FAF2: variants seen among roughly 807,000 people sequenced by gnomAD.
FAF2 encodes the protein Fas associated factor family member 2.
In FAF2, 9 loss-of-function variants were observed where a neutral mutation model predicts 62.3. That is an observed-to-expected ratio of 0.14 (90% confidence interval 0.09 to 0.25). FAF2 has a LOEUF of 0.25. FAF2 is among the 10% of genes least tolerant of loss of function. The pLI is 1.00. For missense variants in FAF2, 368 were observed against 556.2 expected, an observed-to-expected ratio of 0.66 and a Z score of 3.40; for synonymous variants, 202 against 198.0, an observed-to-expected ratio of 1.02 and a Z score of -0.17.
intron 2 of FAF2, among the ~76,000 whole-genome samples, chr5:176,484,631 G>T (rs1425707984): frequency 3.9e-5 from 6 of 152,150 alleles, no homozygotes; most frequent in Admixed American, 3.9e-4. Flanking sequence ...AGTGGCTCAT[G>T]CCTGTAATCC....
intron 1 of FAF2, among the ~76,000 whole-genome samples, chr5:176,452,241 A>G (rs1427999960): frequency 1.3e-5 from 2 of 151,850 alleles, no homozygotes; most frequent in African/African-American, 4.8e-5. Context: ...TATTTTTAGT[A>G]CAGACAAGGT....
chr5:176,452,344 C>T (rs1026985028), intron 1 of FAF2, among the ~76,000 whole-genome samples: 3 of 152,200 alleles, frequency 2.0e-5, no homozygotes, highest in African/African-American at 7.2e-5. Flanking sequence ...AGGCGTGAGC[C>T]ACCGGACCTG....
intron 5 of FAF2, among the ~76,000 whole-genome samples, chr5:176,493,596 C>G (rs1315236574): frequency 6.6e-6 from 1 of 152,190 alleles, no homozygotes; most frequent in East Asian, 1.9e-4. Flanking sequence ...TTTTTACTTA[C>G]AAGGATGTTG....
chr5:176,463,843 C>T lies in FAF2; in HGVS notation c.64-15345C>T, dbSNP rs565320977. ...CTCCCGGGTTTGAGTGATTCTTCTG[C>T]CTCAGCCTCCTGTGTAGCTAGGATT... On this transcript the variant is annotated intron_variant, in intron 1 of 10. Coordinates refer to ENST00000261942, the MANE Select transcript of FAF2 (RefSeq NM_014613.3). 5.3e-5 allele frequency among the ~76,000 whole-genome samples: 8 copies of T among 151,314 alleles called. No individual in the cohort carries two copies. In the East Asian group the frequency reaches 1.6e-3, roughly 29 times the overall value.
chr5:176,448,944 G>A (rs894555362), intron 1 of FAF2, among the ~76,000 whole-genome samples: 2 of 152,162 alleles, frequency 1.3e-5, no homozygotes, highest in Non-Finnish European at 2.9e-5. Context: ...TTCGTGTTGG[G>A]GGTTCCGGTC....
At chr5:176,452,159 G>C (rs566800083) in intron 1 of FAF2, among the ~76,000 whole-genome samples, 72 of 151,638 alleles carry the variant, frequency 4.7e-4, no homozygotes, top group African/African-American at 1.7e-3. Flanking sequence ...CCAGGTTTAA[G>C]CTATTCTCTT....
chr5:176,487,208 A>C (rs1179004605), intron 3 of FAF2, among the ~76,000 whole-genome samples: 1 of 152,134 alleles, frequency 6.6e-6, no homozygotes, highest in Admixed American at 6.6e-5. Context: ...TGTTTGAGAC[A>C]GGGTCTCACT....
chr5:176,462,919 A>T (rs1349416221), intron 1 of FAF2, among the ~76,000 whole-genome samples: 1 of 152,188 alleles, frequency 6.6e-6, no homozygotes, highest in South Asian at 2.1e-4. Context: ...TTGCTTCGCT[A>T]TAGTGTTTTT....
chr5:176,474,737 C>T lies in FAF2; in HGVS notation c.64-4451C>T, dbSNP rs1284211339. ...ATATTATCTCCTTGAGGAAGCTTTCCTTGAGCACCCAATCTAAAGGAATCT... is the reference window on the plus strand; with the variant it reads ...ATATTATCTCCTTGAGGAAGCTTTCTTTGAGCACCCAATCTAAAGGAATCT... On this transcript the variant is annotated intron_variant, in intron 1 of 10. Coordinates refer to ENST00000261942, the MANE Select transcript of FAF2 (RefSeq NM_014613.3). Among the ~76,000 whole-genome samples the T allele has an allele frequency of 2.6e-5, 4 of 152,142 alleles. No individual in the cohort carries two copies. The East Asian group carries it at 7.7e-4, about 29-fold the overall frequency.
chr5:176,492,015 T>G (rs1001177288), intron 4 of FAF2, among the ~76,000 whole-genome samples, 179 bp from the exon 5 acceptor site: 2 of 152,212 alleles, frequency 1.3e-5, no homozygotes, highest in African/African-American at 4.8e-5. Context: ...GAATAACACT[T>G]GCTGCTTTAT....
At chr5:176,462,234 A>G (rs532892741) in intron 1 of FAF2, among the ~76,000 whole-genome samples, 2 of 151,556 alleles carry the variant, frequency 1.3e-5, no homozygotes, top group African/African-American at 4.8e-5. Context: ...CGAGATCGCA[A>G]CATTGCACTC....
Position 176,451,892 on chromosome 5 carries a change from ATTTTTTTTTT to A in FAF2, c.63+3442_63+3451del, listed in dbSNP as rs1174600881. ...TATACACACATATATATATATATATATTTTTTTTTTTTTTTTTTTTTTTTTTTTTGAGACA... is the reference window on the plus strand; with the variant it reads ...TATACACACATATATATATATATATATTTTTTTTTTTTTTTTTTTGAGACA... On this transcript the variant is annotated intron_variant, in intron 1 of 10. Transcript: ENST00000261942. Among the ~76,000 whole-genome samples the A allele has an allele frequency of 4.5e-3, 98 of 21,648 alleles. 4 individuals are homozygous for A. Among genetic ancestry groups the A allele is most frequent in the African/African-American group, 0.017 (80 of 4,752 alleles). The allele number at this position is 21,648 out of a possible 152,430, so 14.2% of individuals were successfully genotyped here.
rs1371591615 is a variant in FAF2 at position 176,477,830 on chromosome 5, G to A, written c.64-1358G>A. ...TGCCTGTCCGTGGCCATGGGGTGCA[G>A]AATTAGGCAAGAACTTCAGTTTTCA... On this transcript the variant is annotated intron_variant, in intron 1 of 10. Transcript: ENST00000261942. Among the ~76,000 whole-genome samples, 132 of 152,290 alleles carry A rather than the reference G, an allele frequency of 8.7e-4. 1 individual carries two copies. The highest frequency in any genetic ancestry group is 1.2e-4 in the Non-Finnish European group (8 of 68,026).
intron 10 of FAF2, among the ~76,000 whole-genome samples, chr5:176,506,145 G>A (rs1183048046): frequency 1.3e-5 from 2 of 150,498 alleles, no homozygotes; most frequent in African/African-American, 4.9e-5. Context: ...GAGCTGAGAT[G>A]GCGCCATTGC....
At chr5:176,448,531 G>C in intron 1 of FAF2, 61 bp downstream of exon 1, 4 of 1,505,940 alleles carry the variant, frequency 2.7e-6, no homozygotes, top group South Asian at 1.2e-5. Flanking sequence ...GCCCCTAGAG[G>C]AGTTCAGAAC....
intron 4 of FAF2, among the ~76,000 whole-genome samples, chr5:176,489,490 A>G (rs771534335): frequency 6.6e-6 from 1 of 151,858 alleles, no homozygotes; most frequent in Non-Finnish European, 1.5e-5. Flanking sequence ...TCCTCCCACA[A>G]TAGTTGGACC....
Position 176,499,104 on chromosome 5 carries a change from T to C in FAF2, c.1011+19T>C. ...GCGGCAGGTAATGGACGTGTGGCTT[T>C]ACTCCCTGTGGTTCCCAAACTGCCG... On this transcript the variant is annotated intron_variant, in intron 9 of 10. Transcript: ENST00000261942. The C allele has an allele frequency of 6.4e-7, 1 of 1,553,306 alleles. No individual in the cohort carries two copies. Among genetic ancestry groups the C allele is most frequent in the Non-Finnish European group, 8.7e-7 (1 of 1,147,514 alleles).
At position 176,507,361 on chromosome 5, in the gene FAF2, G is replaced by A. The variant is rs1391128574; in HGVS notation, c.*411G>A. ...AACCTCCATCAACCAGCTACTTGCA[G>A]CATCTCCTGAGGACTTGCTTCTCCT... On this transcript the variant is annotated 3_prime_UTR_variant, in exon 11 of 11. Coordinates refer to ENST00000261942, the MANE Select transcript of FAF2 (RefSeq NM_014613.3). 1 of 451,972 alleles carries A rather than the reference G, an allele frequency of 2.2e-6. No individual in the cohort carries two copies. The highest frequency in any genetic ancestry group is 4.5e-6 in the Non-Finnish European group (1 of 224,716). The allele number at this position is 451,972 out of a possible 1,614,324, so 28.0% of individuals were successfully genotyped here. A position where few individuals can be genotyped will look rare whatever the true frequency, so the allele number is the denominator to read the frequency against.
Position 176,508,447 on chromosome 5 carries a change from TTCTC to T in FAF2, c.*1501_*1504del, listed in dbSNP as rs1325088281. Reference sequence around the variant, plus strand: ...TTGCTGGAGTTGTAGTCTCAAGGCTTTCTCTCTTGCTTAACTAAAACCTAAGGAC... The same window carrying T: ...TTGCTGGAGTTGTAGTCTCAAGGCTTTCTTGCTTAACTAAAACCTAAGGAC... On this transcript the variant is annotated 3_prime_UTR_variant, in exon 11 of 11. Transcript: ENST00000261942. 6.6e-6 allele frequency: 1 copy of T among 152,170 alleles called. No individual in the cohort carries two copies. The highest frequency in any genetic ancestry group is 6.5e-5 in the Admixed American group (1 of 15,268). 9.4% of individuals were successfully genotyped at this position (152,170 alleles called of 1,614,324 possible).
Sources: allele counts gnomAD v4.1 joint callset (sites outside exome capture counted in the v4.1 genomes callset), GRCh38; gene constraint gnomAD v4.1.1; transcripts MANE v1.5; gene names NCBI Gene and HGNC (gene_info 2026-07-23, HGNC 2026-07-21).